The following RFX3 variants were observed in gnomAD, a reference collection of about 807,000 sequenced individuals.
RFX3 encodes the protein regulatory factor X3.
RFX3 carries 14 observed loss-of-function variants against 98.6 expected under a neutral mutation model. That is an observed-to-expected ratio of 0.14 (90% CI 0.09 to 0.22). The LOEUF is 0.22. Ranked by LOEUF, RFX3 falls within the 10% of genes least tolerant of loss-of-function variation. RFX3 has a pLI of 1.00. For missense variants in RFX3, 639 were observed against 926.9 expected, an observed-to-expected ratio of 0.69 and a Z score of 4.03; for synonymous variants, 383 against 328.4, an observed-to-expected ratio of 1.17 and a Z score of -1.80.
intron 1 of RFX3, among the ~76,000 whole-genome samples, chr9:3,521,585 T>C (rs1185582571): frequency 6.6e-6 from 1 of 152,186 alleles, no homozygotes; most frequent in Non-Finnish European, 1.5e-5. Flanking sequence ...AAGTGAACCT[T>C]AGAAATCAAT....
intron 4 of RFX3, 21 bp from the exon 5 acceptor site, chr9:3,301,641 A>T: frequency 6.4e-7 from 1 of 1,560,182 alleles, no homozygotes; most frequent in Non-Finnish European, 8.8e-7. Flanking sequence ...ATGTCATTAA[A>T]AAAAGGGCTC....
chr9:3,472,344 C>G (rs1848851379), intron 1 of RFX3, among the ~76,000 whole-genome samples: 1 of 152,152 alleles, frequency 6.6e-6, no homozygotes, highest in Admixed American at 6.5e-5. Context: ...AAGTCACTTT[C>G]TTTCTTAATT....
At chr9:3,303,745 G>C (rs1828942148) in intron 4 of RFX3, among the ~76,000 whole-genome samples, 1 of 151,896 alleles carries the variant, frequency 6.6e-6, no homozygotes, top group African/African-American at 2.4e-5. Flanking sequence ...CAGGCTTTTA[G>C]GAAATGGCCT....
intron 1 of RFX3, among the ~76,000 whole-genome samples, chr9:3,422,779 A>G (rs1477516924): frequency 6.6e-6 from 1 of 152,210 alleles, no homozygotes; most frequent in African/African-American, 2.4e-5. Flanking sequence ...TCTGCTATAT[A>G]TAAGACACTG....
chr9:3,408,784 G>A (rs1350404475), intron 1 of RFX3, among the ~76,000 whole-genome samples: 2 of 152,124 alleles, frequency 1.3e-5, no homozygotes, highest in Non-Finnish European at 2.9e-5. Flanking sequence ...GGGTGTGACC[G>A]AGGAAAAAGT....
chr9:3,229,996 T>C (rs1254465735), intron 15 of RFX3, among the ~76,000 whole-genome samples: 1 of 152,208 alleles, frequency 6.6e-6, no homozygotes, highest in Non-Finnish European at 1.5e-5. Context: ...GGAATCCCTC[T>C]TTGACAATTT....
intron 15 of RFX3, among the ~76,000 whole-genome samples, chr9:3,239,461 T>C (rs967789849): frequency 1.3e-5 from 2 of 152,238 alleles, no homozygotes; most frequent in Non-Finnish European, 2.9e-5. Context: ...ACAGCTATCC[T>C]GGCAATGTGT....
chr9:3,519,292 G>T (rs866365466), intron 1 of RFX3, among the ~76,000 whole-genome samples: 7 of 152,148 alleles, frequency 4.6e-5, no homozygotes, highest in African/African-American at 1.7e-4. Flanking sequence ...GTTATCAAAT[G>T]ATAATCCAAG....
At chr9:3,436,451 A>C (rs1322753768) in intron 1 of RFX3, among the ~76,000 whole-genome samples, 1 of 152,114 alleles carries the variant, frequency 6.6e-6, no homozygotes, top group African/African-American at 2.4e-5. Flanking sequence ...GTATGATTAT[A>C]AAAGCATTAT....
intron 14 of RFX3, among the ~76,000 whole-genome samples, chr9:3,248,969 T>C (rs1270397917): frequency 1.3e-5 from 2 of 152,184 alleles, no homozygotes; most frequent in Non-Finnish European, 2.9e-5. Context: ...AACATGCCAA[T>C]CATTAAGCTT....
At chr9:3,362,790 T>C (rs1292760194) in intron 2 of RFX3, among the ~76,000 whole-genome samples, 1 of 152,188 alleles carries the variant, frequency 6.6e-6, no homozygotes, top group Non-Finnish European at 1.5e-5. Flanking sequence ...CCTAGATGCC[T>C]ACCATTTATT....
chr9:3,260,888 T>C (rs971796327), intron 13 of RFX3, among the ~76,000 whole-genome samples: 6 of 149,960 alleles, frequency 4.0e-5, no homozygotes, highest in African/African-American at 1.5e-4. Context: ...TAATATAAAA[T>C]ATTAGATAGA....
chr9:3,425,165 G>C (rs759139537), intron 1 of RFX3, among the ~76,000 whole-genome samples: 70 of 152,186 alleles, frequency 4.6e-4, no homozygotes, highest in Non-Finnish European at 9.1e-4. Flanking sequence ...TTAAGTCCAG[G>C]AGGCAGAGGT....
intron 1 of RFX3, among the ~76,000 whole-genome samples, chr9:3,517,429 C>T (rs1818289990): frequency 6.6e-6 from 1 of 152,194 alleles, no homozygotes; most frequent in Admixed American, 6.5e-5. Flanking sequence ...CCAACTAACA[C>T]ACTATTATTT....
rs557741026 is a variant in RFX3, at chr9:3,394,911, G to A, written c.117+561C>T. On this transcript the variant is annotated intron_variant, in intron 2 of 16. Transcript: ENST00000617270. ...TGAATAAGACCTGTAGTAAATATCT[G>A]ATGATGAATTCACTCCCAACTTTTT... 6 of 831,656 alleles carry A rather than the reference G, an allele frequency of 7.2e-6. No individual in the cohort carries two copies. In the African/African-American group the frequency reaches 1.1e-4, roughly 15 times the overall value. 51.5% of individuals were successfully genotyped at this position (831,656 alleles called of 1,614,324 possible).
intron 1 of RFX3, among the ~76,000 whole-genome samples, chr9:3,398,679 C>T (rs11791671): frequency 0.046 from 6,952 of 152,082 alleles, 190 homozygotes; most frequent in Middle Eastern, 0.088. Flanking sequence ...CTCCTATTTC[C>T]CCCAGAGCTG....
chr9:3,505,826 A>G (rs1817034561), intron 1 of RFX3, among the ~76,000 whole-genome samples: 1 of 150,102 alleles, frequency 6.7e-6, no homozygotes, highest in Non-Finnish European at 1.5e-5. Context: ...AGCATTGACA[A>G]CCATCTATTA....
chr9:3,402,939 T>G (rs1841610372), intron 1 of RFX3, among the ~76,000 whole-genome samples: 1 of 151,906 alleles, frequency 6.6e-6, no homozygotes, highest in East Asian at 1.9e-4. Context: ...CCTAAGGACA[T>G]TAGGCATCTT....
chr9:3,405,549 G>A (rs1378420312), intron 1 of RFX3, among the ~76,000 whole-genome samples: 1 of 152,124 alleles, frequency 6.6e-6, no homozygotes, highest in African/African-American at 2.4e-5. Context: ...GGAATACACA[G>A]TCTGCCCTCA....
Sources: allele counts gnomAD v4.1 joint callset (sites outside exome capture counted in the v4.1 genomes callset), GRCh38; gene constraint gnomAD v4.1.1; transcripts MANE v1.5; gene names NCBI Gene and HGNC (gene_info 2026-07-23, HGNC 2026-07-21).